SDHC: variants seen among roughly 807,000 people sequenced by gnomAD.
The protein encoded by SDHC is succinate dehydrogenase cytochrome b560 subunit, mitochondrial.
SDHC carries 11 observed loss-of-function variants against 22.6 expected under a neutral mutation model. That is an observed-to-expected ratio of 0.49 (90% CI 0.31 to 0.81). The LOEUF (loss-of-function observed/expected upper bound fraction) is 0.81, where lower values mean the gene tolerates loss of function less well. SDHC is among the 30% of genes least tolerant of loss of function. The probability of loss-of-function intolerance (pLI) is 0.05; values close to 1 mark genes in which losing one functional copy is unlikely to be tolerated. For synonymous variants in SDHC, 80 were observed against 77.8 expected (o/e 1.03, Z -0.15); for missense variants, 160 against 212.0 (o/e 0.75, Z 1.52).
Position 161,340,670 on chromosome 1 carries a change from T to C in SDHC, c.241+15T>C, listed in dbSNP as rs770236123. On this transcript the variant is annotated intron_variant, in intron 4 of 5. Transcript: ENST00000367975. Reference sequence around the variant, plus strand: ...TTTGAGTGCAGGTATGTATATGTGTTTTTACACACACATATGTGCTTCTTT... The same window carrying C: ...TTTGAGTGCAGGTATGTATATGTGTCTTTACACACACATATGTGCTTCTTT... 3.9e-5 allele frequency: 62 copies of C among 1,606,408 alleles called. No homozygotes were observed. The South Asian group carries it at 6.7e-4, about 17-fold the overall frequency.
chr1:161,356,393 G>A (rs1490686986), intron 4 of SDHC, among the ~76,000 whole-genome samples: 1 of 152,016 alleles, frequency 6.6e-6, no homozygotes, highest in African/African-American at 2.4e-5. Context: ...ACAAAAATTA[G>A]CTGGGCGTTG....
chr1:161,358,777 T>C (rs1465871099), intron 5 of SDHC, among the ~76,000 whole-genome samples: 3 of 151,784 alleles, frequency 2.0e-5, no homozygotes, highest in African/African-American at 7.3e-5. Context: ...AAATACAAAA[T>C]TAGCCGGGCA....
At chr1:161,325,812 CTATT>C (rs1308990359) in intron 2 of SDHC, among the ~76,000 whole-genome samples, 4 of 152,176 alleles carry the variant, frequency 2.6e-5, no homozygotes, top group African/African-American at 4.8e-5. Context: ...AAAGCATAAT[CTATT>C]TATGTGAATA....
chr1:161,344,462 GA>G (rs5778205), intron 4 of SDHC, among the ~76,000 whole-genome samples: 5 of 146,414 alleles, frequency 3.4e-5, no homozygotes, highest in African/African-American at 5.0e-5. Flanking sequence ...TCAAAAAAAA[GA>G]AAAAAAAAAG....
At chr1:161,342,796 C>T (rs1017020486) in intron 4 of SDHC, among the ~76,000 whole-genome samples, 1 of 152,082 alleles carries the variant, frequency 6.6e-6, no homozygotes, top group African/African-American at 2.4e-5. Flanking sequence ...TGCCTGGCCC[C>T]TTGGTATATC....
At chr1:161,357,404 A>T (rs544556999) in intron 5 of SDHC, among the ~76,000 whole-genome samples, 61 of 151,644 alleles carry the variant, frequency 4.0e-4, no homozygotes, top group East Asian at 9.8e-4. Flanking sequence ...AATTTAATTT[A>T]ATTTTATTTT....
At chr1:161,318,745 G>T (rs1670721840) in intron 1 of SDHC, among the ~76,000 whole-genome samples, 1 of 151,634 alleles carries the variant, frequency 6.6e-6, no homozygotes, top group Admixed American at 6.6e-5. Context: ...AGGTACTGTG[G>T]ATCCAAGGCC....
chr1:161,361,329 T>G (rs1230728754), intron 5 of SDHC, among the ~76,000 whole-genome samples: 1 of 152,050 alleles, frequency 6.6e-6, no homozygotes, highest in Non-Finnish European at 1.5e-5. Context: ...CTATATTATA[T>G]ATACATATCT....
chr1:161,317,486 G>C (rs1339787139), intron 1 of SDHC, among the ~76,000 whole-genome samples: 1 of 146,394 alleles, frequency 6.8e-6, no homozygotes, highest in African/African-American at 2.5e-5. Context: ...GGGAACACTT[G>C]AAATCTATTC....
At chr1:161,338,821 C>T (rs940848966) in intron 3 of SDHC, among the ~76,000 whole-genome samples, 1 of 152,012 alleles carries the variant, frequency 6.6e-6, no homozygotes, top group South Asian at 2.1e-4. Flanking sequence ...AATAGAGGGA[C>T]CCAGGTTGTA....
In SDHC at chr1:161,323,244, C is replaced by T. The variant is rs183151978; in HGVS notation, c.21-370C>T. On this transcript the variant is annotated intron_variant, in intron 1 of 5. Transcript: ENST00000367975. ...CGATCTCCTGACCTTGTGATCCGTC[C>T]GCCTCGGCCTCCCAAAGTGCTGGGA... is the stretch of plus-strand genomic sequence containing the variant. Among the ~76,000 whole-genome samples, 1,062 of 151,692 alleles carry T rather than the reference C, an allele frequency of 7.0e-3. 8 individuals are homozygous for T. The highest frequency in any genetic ancestry group is 0.01 in the Non-Finnish European group (708 of 67,868).
chr1:161,329,406 A>T (rs1319054236), intron 3 of SDHC, among the ~76,000 whole-genome samples: 2 of 151,968 alleles, frequency 1.3e-5, no homozygotes, highest in Non-Finnish European at 2.9e-5. Context: ...ATCTAGGCCC[A>T]CCGCAACCCC....
intron 1 of SDHC, among the ~76,000 whole-genome samples, chr1:161,317,702 C>T (rs1372584373): frequency 6.6e-6 from 1 of 151,030 alleles, no homozygotes; most frequent in African/African-American, 2.4e-5. Context: ...GCTAGGACTA[C>T]AGGCGTGTGC....
At chr1:161,325,020 G>A (rs1670996905) in intron 2 of SDHC, among the ~76,000 whole-genome samples, 1 of 152,060 alleles carries the variant, frequency 6.6e-6, no homozygotes, top group African/African-American at 2.4e-5. Context: ...GGGCAACAGA[G>A]AGAGACCCAG....
intron 1 of SDHC, among the ~76,000 whole-genome samples, chr1:161,315,112 C>T (rs1367254377): frequency 6.6e-6 from 1 of 152,234 alleles, no homozygotes; most frequent in Non-Finnish European, 1.5e-5. Flanking sequence ...GAACTTTCCG[C>T]TGTCTAGGTC....
At chr1:161,333,876 TA>T (rs1477497482) in intron 3 of SDHC, among the ~76,000 whole-genome samples, 3 of 152,204 alleles carry the variant, frequency 2.0e-5, no homozygotes, top group Non-Finnish European at 2.9e-5. Context: ...ATCATGGTCC[TA>T]AAAATTCTTT....
intron 2 of SDHC, among the ~76,000 whole-genome samples, chr1:161,325,563 C>G (rs755519410): frequency 5.9e-5 from 9 of 152,118 alleles, no homozygotes; most frequent in Non-Finnish European, 1.3e-4. Context: ...ACCTGTAGTT[C>G]CAGCTACTCG....
At chr1:161,355,273 A>G (rs115977540) in intron 4 of SDHC, among the ~76,000 whole-genome samples, 1,720 of 152,300 alleles carry the variant, frequency 0.011, 31 homozygotes, top group African/African-American at 0.039. Flanking sequence ...CCATTTATTT[A>G]TCGTCCTTGG....
At chr1:161,345,748 G>A (rs962220793) in intron 4 of SDHC, among the ~76,000 whole-genome samples, 1 of 151,962 alleles carries the variant, frequency 6.6e-6, no homozygotes, top group African/African-American at 2.4e-5. Context: ...GAGCCACTGC[G>A]CCTGGCAGTT....
Sources: allele counts gnomAD v4.1 joint callset (sites outside exome capture counted in the v4.1 genomes callset), GRCh38; gene constraint gnomAD v4.1.1; transcripts MANE v1.5; gene names NCBI Gene and HGNC (gene_info 2026-07-23, HGNC 2026-07-21).